The following GUCY1A2 variants were observed in gnomAD, a reference collection of about 807,000 sequenced individuals.
GUCY1A2 encodes guanylate cyclase soluble subunit alpha-2.
In GUCY1A2, 27 loss-of-function variants were observed where a neutral mutation model predicts 63.5. That is an observed-to-expected ratio of 0.43 (90% CI 0.31 to 0.59). GUCY1A2 has a LOEUF of 0.59. Among genes scored for constraint, GUCY1A2 ranks in the 20% least tolerant of loss-of-function variants. The pLI, the probability that GUCY1A2 is intolerant of heterozygous loss-of-function variation, is 0.11. For synonymous variants in GUCY1A2, 364 were observed against 343.5 expected (o/e 1.06, Z -0.66); for missense variants, 768 against 913.3 (o/e 0.84, Z 2.05).
intron 4 of GUCY1A2, among the ~76,000 whole-genome samples, chr11:106,896,128 A>G (rs565178439): frequency 1.7e-4 from 26 of 151,954 alleles, no homozygotes; most frequent in African/African-American, 6.3e-4. Flanking sequence ...ACCACAACCA[A>G]GTAGTATTTT....
intron 2 of GUCY1A2, among the ~76,000 whole-genome samples, chr11:106,982,712 TA>T (rs1861353366): frequency 6.6e-6 from 1 of 151,926 alleles, no homozygotes; most frequent in African/African-American, 2.4e-5. Context: ...GAGCATTGCA[TA>T]AGAATGAAAC....
rs1862364777 is a variant in GUCY1A2, at chr11:106,677,416, C to CA, written c.*10132dup. On this transcript the variant is annotated 3_prime_UTR_variant, in exon 8 of 8. Coordinates refer to ENST00000526355, the MANE Select transcript of GUCY1A2 (RefSeq NM_000855.3). ...ACTCTTGCATGGTTTCTCATTAGCA[C>CA]AAAAAATATACTAATGTTTAATTAG... The CA allele has an allele frequency of 9.6e-6, 2 of 208,256 alleles. No individual in the cohort carries two copies. Among genetic ancestry groups the CA allele is most frequent in the South Asian group, 3.8e-4 (2 of 5,288 alleles). The allele number at this position is 208,256 out of a possible 1,614,324, so 12.9% of individuals were successfully genotyped here.
chr11:106,981,477 C>CAAA (rs61474144), intron 2 of GUCY1A2, among the ~76,000 whole-genome samples: 84 of 130,776 alleles, frequency 6.4e-4, no homozygotes, highest in Non-Finnish European at 1.1e-3. Context: ...CTTATTCTGG[C>CAAA]AAAAAAAAAA....
intron 3 of GUCY1A2, among the ~76,000 whole-genome samples, chr11:106,962,888 T>A (rs943442854): frequency 6.6e-6 from 1 of 151,840 alleles, no homozygotes; most frequent in Non-Finnish European, 1.5e-5. Context: ...ATATCCATCA[T>A]GTGCTTATGC....
chr11:106,984,452 G>A (rs1306327127), intron 2 of GUCY1A2, among the ~76,000 whole-genome samples: 1 of 152,062 alleles, frequency 6.6e-6, no homozygotes, highest in Non-Finnish European at 1.5e-5. Flanking sequence ...TTCTATCAAT[G>A]GAGAAAAAAC....
At chr11:107,002,018 CAA>C (rs142852537) in intron 1 of GUCY1A2, among the ~76,000 whole-genome samples, 5 of 100,744 alleles carry the variant, frequency 5.0e-5, no homozygotes, top group Admixed American at 1.1e-4. Context: ...GACTCTGTCT[CAA>C]AAAAAAAAAA....
At position 106,918,933 on chromosome 11, in the gene GUCY1A2, A is replaced by G. The variant is rs566158984; in HGVS notation, c.1206+20527T>C. ...TCTTTAAAAATCTGATATTTAACCT[A>G]AATTCGATACTGCCCAGGTATATAG... On this transcript the variant is annotated intron_variant, in intron 4 of 7. Coordinates refer to ENST00000526355, the MANE Select transcript of GUCY1A2 (RefSeq NM_000855.3). 2.0e-5 allele frequency among the ~76,000 whole-genome samples: 3 copies of G among 152,300 alleles called. No homozygotes were observed. In the East Asian group the frequency reaches 5.8e-4, roughly 29 times the overall value.
rs138608983 is a variant in GUCY1A2, at chr11:106,723,563, G to A, written c.1837-14897C>T. ...AAAATGGCCAGGCTCAGTGGCTCAC[G>A]CCTGTAATCCCATCACTTTGGGAGG... On this transcript the variant is annotated intron_variant, in intron 6 of 7. Coordinates refer to ENST00000526355, the MANE Select transcript of GUCY1A2 (RefSeq NM_000855.3). Among the ~76,000 whole-genome samples, 222 of 152,300 alleles carry A rather than the reference G, an allele frequency of 1.5e-3. 1 individual carries two copies. The highest frequency in any genetic ancestry group is 5.2e-3 in the African/African-American group (215 of 41,554).
At chr11:106,785,516 C>T (rs961703214) in intron 5 of GUCY1A2, among the ~76,000 whole-genome samples, 8 of 151,628 alleles carry the variant, frequency 5.3e-5, no homozygotes, top group East Asian at 1.9e-4. Context: ...TACTCCTCTC[C>T]GCCTACTAGA....
At chr11:106,981,735 T>A (rs1188997052) in intron 2 of GUCY1A2, among the ~76,000 whole-genome samples, 3 of 148,170 alleles carry the variant, frequency 2.0e-5, no homozygotes, top group Admixed American at 6.7e-5. Context: ...GACAGAAATT[T>A]CAGTCAAAAA....
At chr11:106,857,173 A>C (rs528978284) in intron 4 of GUCY1A2, among the ~76,000 whole-genome samples, 1 of 152,252 alleles carries the variant, frequency 6.6e-6, no homozygotes, top group African/African-American at 2.4e-5. Context: ...AACAGCATTT[A>C]TTTCTCATAG....
chr11:106,928,559 A>G (rs1860560655), intron 4 of GUCY1A2, among the ~76,000 whole-genome samples: 1 of 152,170 alleles, frequency 6.6e-6, no homozygotes, highest in Non-Finnish European at 1.5e-5. Context: ...TGATTCAAAC[A>G]TAAATACAGT....
intron 4 of GUCY1A2, among the ~76,000 whole-genome samples, chr11:106,874,873 C>T (rs2135466816): frequency 6.6e-6 from 1 of 152,124 alleles, no homozygotes; most frequent in South Asian, 2.1e-4. Context: ...AGACTGATTC[C>T]TATCATTTAC....
intron 7 of GUCY1A2, among the ~76,000 whole-genome samples, chr11:106,697,211 A>C (rs1310682639): frequency 6.6e-6 from 1 of 152,204 alleles, no homozygotes; most frequent in Non-Finnish European, 1.5e-5. Context: ...ATTACAAAGC[A>C]ATTTTGATTT....
At chr11:106,827,807 C>G in intron 4 of GUCY1A2, 2 of 1,588,922 alleles carry the variant, frequency 1.3e-6, no homozygotes, top group Admixed American at 1.7e-5. Flanking sequence ...GAGTAGCCAA[C>G]TGCTCCGCAC....
chr11:106,969,823 T>C (rs1591348475), intron 3 of GUCY1A2, among the ~76,000 whole-genome samples: 2 of 152,134 alleles, frequency 1.3e-5, no homozygotes. Context: ...CACAGCCTCA[T>C]AGTTCAAACA....
intron 4 of GUCY1A2, among the ~76,000 whole-genome samples, chr11:106,852,808 T>A (rs1859374640): frequency 6.6e-6 from 1 of 152,150 alleles, no homozygotes; most frequent in South Asian, 2.1e-4. Context: ...ATAAGGGTAA[T>A]GTTGGTCTCA....
chr11:106,711,528 G>A (rs1368484242), intron 6 of GUCY1A2, among the ~76,000 whole-genome samples: 1 of 152,052 alleles, frequency 6.6e-6, no homozygotes, highest in Non-Finnish European at 1.5e-5. Context: ...GTAATTCAAG[G>A]ACCTGGTCCT....
At chr11:106,696,567 T>A (rs1301413245) in intron 7 of GUCY1A2, among the ~76,000 whole-genome samples, 1 of 152,178 alleles carries the variant, frequency 6.6e-6, no homozygotes, top group Admixed American at 6.5e-5. Context: ...TTAAGAATTC[T>A]ATGTTCTCTA....
Sources: gnomAD v4.1 joint callset for allele counts (sites outside exome capture counted in the v4.1 genomes callset) on GRCh38, gnomAD v4.1.1 for gene constraint, MANE v1.5 for transcripts, NCBI Gene and HGNC (gene_info 2026-07-23, HGNC 2026-07-21) for gene names.